The following MADD variants were observed in gnomAD, a reference collection of about 807,000 sequenced individuals.
MADD encodes MAP kinase activating death domain.
A neutral mutation model predicts 176.7 loss-of-function variants in MADD; 109 were observed. That is an observed-to-expected ratio of 0.62 (90% confidence interval 0.53 to 0.72). The LOEUF (loss-of-function observed/expected upper bound fraction) is 0.72. Among genes scored for constraint, MADD ranks in the 30% least tolerant of loss-of-function variants. MADD has a pLI of 0.00. For synonymous variants in MADD, 771 were observed against 771.3 expected, an observed-to-expected ratio of 1.00 and a Z score of 0.01; for missense variants, 1,914 against 2,045.5, an observed-to-expected ratio of 0.94 and a Z score of 1.24.
chr11:47,282,939 G>A (rs1335161359), exon 10 of MADD: 4 of 1,613,792 alleles, frequency 2.5e-6, no homozygotes, highest in African/African-American at 1.3e-5. Flanking sequence ...CCACCAGAGC[G>A]GGACTCTGAC....
At chr11:47,289,332 T>C (rs891391359) in intron 15 of MADD, 59 bp from the exon 17 acceptor site, 4 of 1,380,696 alleles carry the variant, frequency 2.9e-6, no homozygotes, top group Admixed American at 1.7e-5. Flanking sequence ...AGGGCTGTGC[T>C]GGCATGAGCT....
rs925487925 is a variant in MADD, at chr11:47,293,776, G to A, written c.3302-107G>A. 5 of 705,110 alleles carry A rather than the reference G, an allele frequency of 7.1e-6. No homozygotes were observed. In the African/African-American group the frequency reaches 8.8e-5, roughly 12 times the overall value. 43.7% of individuals were successfully genotyped at this position (705,110 alleles called of 1,614,324 possible). A position where few individuals can be genotyped will look rare whatever the true frequency, so the allele number is the denominator to read the frequency against. On this transcript the variant is annotated intron_variant, in intron 19 of 32. Transcript: ENST00000402192. ...GGGGTAGTCCTTGGAAAGGTGACTA[G>A]GATGGGCTGAACGGGTCTGGGAACA...
At chr11:47,311,347 A>G (rs1252012979) in intron 25 of MADD, among the ~76,000 whole-genome samples, 3 of 152,186 alleles carry the variant, frequency 2.0e-5, no homozygotes, top group East Asian at 1.9e-4. Flanking sequence ...TAACCTTCAG[A>G]GATGTCTTGG....
At chr11:47,306,667 A>G (rs1312713868) in intron 22 of MADD, among the ~76,000 whole-genome samples, 7 of 151,864 alleles carry the variant, frequency 4.6e-5, no homozygotes, top group African/African-American at 9.7e-5. Context: ...TGATATTGCC[A>G]TCTGTTCTCT....
At chr11:47,290,252 G>A (rs1260299500) in exon 18 of MADD, 1 of 1,614,038 alleles carries the variant, frequency 6.2e-7, no homozygotes, top group African/African-American at 1.3e-5. Flanking sequence ...GGCATGGCCA[G>A]CATCTTTGGG....
intron 2 of MADD, 45 bp from the exon 3 acceptor site, chr11:47,274,518 C>T (rs2048050225): frequency 1.4e-6 from 2 of 1,457,424 alleles, no homozygotes; most frequent in Non-Finnish European, 9.5e-7. Context: ...TTTGATAGCC[C>T]ATTCCATCCC....
chr11:47,286,728 G>C (rs1013557155), intron 15 of MADD, among the ~76,000 whole-genome samples, 194 bp downstream of exon 15: 1 of 152,120 alleles, frequency 6.6e-6, no homozygotes, highest in East Asian at 1.9e-4. Flanking sequence ...AGCTAGAGAC[G>C]GCCCTGTTAT....
intron 20 of MADD, among the ~76,000 whole-genome samples, chr11:47,295,286 A>G (rs1027526267): frequency 6.6e-6 from 1 of 152,180 alleles, no homozygotes; most frequent in East Asian, 1.9e-4. Context: ...TGCTAGGACT[A>G]CAGGCGTGAG....
intron 1 of MADD, 30 bp downstream of exon 1, chr11:47,270,276 G>A (rs1959086250): frequency 6.6e-6 from 1 of 152,174 alleles, no homozygotes; most frequent in Admixed American, 6.5e-5. Context: ...TGGGGTCCTG[G>A]GCGAGCGTCT....
chr11:47,293,968 G>A (rs760795114), exon 20 of MADD: 27 of 1,613,946 alleles, frequency 1.7e-5, no homozygotes, highest in Middle Eastern at 1.6e-4. Flanking sequence ...GTGTGAGCCT[G>A]ACGTCTAGTT....
rs115033932 is a variant in MADD, at chr11:47,325,575, C to T, written c.4542+998C>T. 0.027 allele frequency among the ~76,000 whole-genome samples: 4,094 copies of T among 152,324 alleles called. 188 individuals carry two copies. Among genetic ancestry groups the T allele is most frequent in the African/African-American group, 0.093 (3,881 of 41,560 alleles). Reference sequence around the variant, plus strand: ...GCTTTGGTTTAACAGGAAATGGCTGCGCAGGCTGCCAGCAGCCCCTTAGTA... The same window carrying T: ...GCTTTGGTTTAACAGGAAATGGCTGTGCAGGCTGCCAGCAGCCCCTTAGTA... On this transcript the variant is annotated intron_variant, in intron 30 of 32. Coordinates refer to ENST00000402192, the Ensembl canonical transcript of MADD. The surrounding 1 kb of genome is among the most constrained non-coding windows in gnomAD (Gnocchi z 4.5).
chr11:47,294,927 A>C (rs2069520433), intron 20 of MADD, among the ~76,000 whole-genome samples: 2 of 152,142 alleles, frequency 1.3e-5, no homozygotes, highest in Non-Finnish European at 2.9e-5. Context: ...CGTGGGAGGT[A>C]GATTTACAGC....
At chr11:47,328,389 A>C in intron 31 of MADD, 1 of 1,382,054 alleles carries the variant, frequency 7.2e-7, no homozygotes, top group South Asian at 1.6e-5. Flanking sequence ...CTTTCAAAGA[A>C]GTGGGTAGAA....
At chr11:47,285,568 C>T (rs766757929) in exon 14 of MADD, 22 of 1,614,014 alleles carry the variant, frequency 1.4e-5, no homozygotes, top group Admixed American at 1.2e-4. Flanking sequence ...CCGAGGGCTT[C>T]GGGGGCATCA....
chr11:47,298,170 A>C (rs1195241123), intron 22 of MADD, among the ~76,000 whole-genome samples: 1 of 152,230 alleles, frequency 6.6e-6, no homozygotes, highest in Non-Finnish European at 1.5e-5. Flanking sequence ...CTAGCCTGCT[A>C]TACTTCCTGT....
intron 22 of MADD, among the ~76,000 whole-genome samples, chr11:47,305,699 G>A (rs1263902779): frequency 2.6e-5 from 4 of 152,126 alleles, no homozygotes; most frequent in Non-Finnish European, 5.9e-5. Flanking sequence ...GGGCCCTGGG[G>A]GTCAGGGAGC....
chr11:47,278,229 A>G (rs1370234317), exon 6 of MADD: 7 of 1,614,000 alleles, frequency 4.3e-6, no homozygotes, highest in African/African-American at 2.7e-5. Flanking sequence ...TACAAACTGG[A>G]CTTCAAAATG....
chr11:47,319,984 C>G (rs1165121482), intron 27 of MADD, among the ~76,000 whole-genome samples: 2 of 92,102 alleles, frequency 2.2e-5, no homozygotes, highest in African/African-American at 8.6e-5. Context: ...AAGCGAGACT[C>G]CATCGCAAAA....
At chr11:47,323,969 C>T in intron 28 of MADD, 134 bp downstream of exon 31, 1 of 991,036 alleles carries the variant, frequency 1.0e-6, no homozygotes, top group Non-Finnish European at 1.5e-6. Context: ...GGTGGAGTAC[C>T]TAAAGCTGTC....
Sources: gnomAD v4.1 joint callset for allele counts (sites outside exome capture counted in the v4.1 genomes callset) on GRCh38, gnomAD v4.1.1 for gene constraint, Gnocchi (gnomAD v3.1) non-coding constraint, MANE v1.5 for transcripts, NCBI Gene and HGNC (gene_info 2026-07-23, HGNC 2026-07-21) for gene names.